Variants in TMEM14A observed in about 807,000 individuals in gnomAD.
TMEM14A encodes transmembrane protein 14A.
Under a neutral mutation model 11.6 loss-of-function variants are expected in TMEM14A, and 8 were observed. The ratio of observed to expected loss-of-function variants is 0.69; its 90% CI spans 0.40 to 1.24. TMEM14A has a LOEUF of 1.24. Among genes scored for constraint, TMEM14A ranks in the 50% most tolerant of loss-of-function variants. The pLI, the probability that TMEM14A is intolerant of heterozygous loss-of-function variation, is 0.01. For missense variants in TMEM14A, 108 were observed against 121.9 expected (o/e 0.89, Z 0.54); for synonymous variants, 34 against 45.5 (o/e 0.75, Z 1.02).
chr6:52,685,689 A>G (rs963443177), intron 4 of TMEM14A, among the ~76,000 whole-genome samples: 1 of 152,126 alleles, frequency 6.6e-6, no homozygotes. Flanking sequence ...AACTGCCCCA[A>G]GTTGGTCCTC....
chr6:52,673,820 A>G (rs1290520319), intron 1 of TMEM14A, among the ~76,000 whole-genome samples: 3 of 152,240 alleles, frequency 2.0e-5, no homozygotes, highest in Admixed American at 6.5e-5. Flanking sequence ...CTACAAATAT[A>G]TGTTATAATA....
In TMEM14A at chr6:52,677,187, A is replaced by T. The variant is rs752163169; in HGVS notation, c.70+15A>T. On this transcript the variant is annotated intron_variant, in intron 2 of 4. Transcript: ENST00000211314. ...TAAGCGGAGAGGTAAGCCTAACCCAAATTTTCATGAAAGGGAATTAGTGGG... is the reference window on the plus strand; with the variant it reads ...TAAGCGGAGAGGTAAGCCTAACCCATATTTTCATGAAAGGGAATTAGTGGG... The T allele has an allele frequency of 6.2e-7, 1 of 1,613,804 alleles. No homozygotes were observed. The highest frequency in any genetic ancestry group is 8.5e-7 in the Non-Finnish European group (1 of 1,179,762).
At position 52,686,141 on chromosome 6, in the gene TMEM14A, G is replaced by A. The variant is rs1769489516; in HGVS notation, c.*92G>A. 4 of 1,266,602 alleles carry A rather than the reference G, an allele frequency of 3.2e-6. No individual in the cohort carries two copies. The highest frequency in any genetic ancestry group is 4.4e-6 in the Non-Finnish European group (4 of 915,176). The allele number at this position is 1,266,602 out of a possible 1,614,324, so 78.5% of individuals were successfully genotyped here. Reference sequence around the variant, plus strand: ...GTATTTAAAAGATAAACTTCAATATGGAATGCTAGAAACACAAATAGCACT... The same window carrying A: ...GTATTTAAAAGATAAACTTCAATATAGAATGCTAGAAACACAAATAGCACT... On this transcript the variant is annotated 3_prime_UTR_variant, in exon 5 of 5. Transcript: ENST00000211314.
At chr6:52,684,051 T>C (rs369924924) in intron 3 of TMEM14A, 27 bp from the exon 4 acceptor site, 279 of 1,603,862 alleles carry the variant, frequency 1.7e-4, no homozygotes, top group Non-Finnish European at 2.2e-4. Context: ...TTTGAAACTC[T>C]GGTTCATGAA....
intron 1 of TMEM14A, 46 bp downstream of exon 1, chr6:52,671,291 C>T (rs1318778765): frequency 6.6e-6 from 1 of 152,302 alleles, no homozygotes; most frequent in Non-Finnish European, 1.5e-5. Context: ...TCTGAATTTT[C>T]TTACAAAACT....
chr6:52,671,924 T>C (rs1304173143), intron 1 of TMEM14A, among the ~76,000 whole-genome samples: 1 of 152,244 alleles, frequency 6.6e-6, no homozygotes, highest in Non-Finnish European at 1.5e-5. Flanking sequence ...GCTTCTGGCC[T>C]GGCCACATGG....
intron 1 of TMEM14A, among the ~76,000 whole-genome samples, chr6:52,673,055 T>C (rs553650953): frequency 4.3e-4 from 66 of 152,326 alleles, no homozygotes; most frequent in Middle Eastern, 3.4e-3. Context: ...CATGCTTTCT[T>C]GTGCCATTAG....
At chr6:52,685,605 A>G (rs1246675798) in intron 4 of TMEM14A, among the ~76,000 whole-genome samples, 1 of 151,778 alleles carries the variant, frequency 6.6e-6, no homozygotes, top group Non-Finnish European at 1.5e-5. Flanking sequence ...AAAAAAAGGA[A>G]GAAAAAATGA....
chr6:52,681,230 G>C (rs1769386329), intron 2 of TMEM14A, among the ~76,000 whole-genome samples: 1 of 152,040 alleles, frequency 6.6e-6, no homozygotes, highest in African/African-American at 2.4e-5. Flanking sequence ...GAGTGCATGG[G>C]ATAGGGACTG....
intron 2 of TMEM14A, among the ~76,000 whole-genome samples, chr6:52,678,329 T>TGTGTGTG (rs1769301533): frequency 6.6e-5 from 2 of 30,086 alleles, no homozygotes; most frequent in African/African-American, 1.8e-4. Context: ...ATGTGTGTGT[T>TGTGTGTG]TGTGTGTGTG....
intron 1 of TMEM14A, among the ~76,000 whole-genome samples, chr6:52,673,664 C>T (rs537684550): frequency 2.2e-4 from 34 of 152,318 alleles, no homozygotes; most frequent in South Asian, 1.4e-3. Context: ...CACCTCTCCT[C>T]TTAGGGCTCA....
At chr6:52,676,922 C>T (rs1049259908) in intron 1 of TMEM14A, among the ~76,000 whole-genome samples, 165 bp from the exon 2 acceptor site, 1 of 152,174 alleles carries the variant, frequency 6.6e-6, no homozygotes, top group African/African-American at 2.4e-5. Flanking sequence ...CCCCGTGATC[C>T]AGTCACCTCC....
chr6:52,682,511 A>G (rs1769408538), intron 3 of TMEM14A, among the ~76,000 whole-genome samples: 1 of 152,092 alleles, frequency 6.6e-6, no homozygotes, highest in African/African-American at 2.4e-5. Context: ...TTGATTTATT[A>G]TTCAAAGTGC....
intron 1 of TMEM14A, among the ~76,000 whole-genome samples, chr6:52,672,647 AG>A (rs1230096714): frequency 6.6e-6 from 1 of 152,102 alleles, no homozygotes; most frequent in Non-Finnish European, 1.5e-5. Flanking sequence ...CCAGATACCT[AG>A]GGGTGAGTCA....
At chr6:52,679,921 C>T (rs1769332910) in intron 2 of TMEM14A, among the ~76,000 whole-genome samples, 1 of 152,058 alleles carries the variant, frequency 6.6e-6, no homozygotes, top group Admixed American at 6.6e-5. Context: ...TCAGGGTATA[C>T]AGAAAGGAGC....
intron 1 of TMEM14A, among the ~76,000 whole-genome samples, chr6:52,674,259 C>A (rs1055935545): frequency 3.9e-5 from 6 of 152,106 alleles, no homozygotes; most frequent in Non-Finnish European, 8.8e-5. Flanking sequence ...AACACAGTGC[C>A]CTGTGGTCAC....
chr6:52,672,431 A>C (rs1257008048), intron 1 of TMEM14A, among the ~76,000 whole-genome samples: 1 of 151,846 alleles, frequency 6.6e-6, no homozygotes, highest in Non-Finnish European at 1.5e-5. Context: ...ATAATGAAAG[A>C]ACTCTCATAA....
chr6:52,680,584 T>TA (rs1491406322), intron 2 of TMEM14A, among the ~76,000 whole-genome samples: 2,906 of 63,556 alleles, frequency 0.046, 118 homozygotes, highest in Non-Finnish European at 0.094. Context: ...CCACTATATA[T>TA]TTATATATTT....
At chr6:52,680,269 A>C (rs1769339767) in intron 2 of TMEM14A, among the ~76,000 whole-genome samples, 1 of 151,890 alleles carries the variant, frequency 6.6e-6, no homozygotes, top group South Asian at 2.1e-4. Flanking sequence ...AGACATCCGA[A>C]GGTGAGCTAC....
Sources: gnomAD v4.1 joint callset for allele counts (sites outside exome capture counted in the v4.1 genomes callset) on GRCh38, gnomAD v4.1.1 for gene constraint, MANE v1.5 for transcripts, NCBI Gene and HGNC (gene_info 2026-07-23, HGNC 2026-07-21) for gene names.